Variants in GNAQ observed in about 807,000 individuals in gnomAD.
GNAQ encodes the protein G protein subunit alpha q.
Under a neutral mutation model 43.9 loss-of-function variants are expected in GNAQ, and 8 were observed. That is an observed-to-expected ratio of 0.18 (90% CI 0.11 to 0.33). The LOEUF is 0.33. Ranked by LOEUF, GNAQ falls within the 10% of genes least tolerant of loss-of-function variation. GNAQ has a pLI of 1.00. For synonymous variants in GNAQ, 155 were observed against 170.7 expected, an observed-to-expected ratio of 0.91 and a Z score of 0.71; for missense variants, 158 against 450.8, an observed-to-expected ratio of 0.35 and a Z score of 5.88.
chr9:77,731,392 G>A (rs1303026389), intron 5 of GNAQ, among the ~76,000 whole-genome samples: 1 of 152,208 alleles, frequency 6.6e-6, no homozygotes, highest in East Asian at 1.9e-4. Context: ...CTGCTGCACT[G>A]GGGCTGCTCT....
At chr9:78,029,502 T>C (rs1386724097) in intron 1 of GNAQ, among the ~76,000 whole-genome samples, 1 of 152,202 alleles carries the variant, frequency 6.6e-6, no homozygotes, top group Non-Finnish European at 1.5e-5. Flanking sequence ...CCAATTGCAG[T>C]TTGCCTCCTC....
chr9:77,821,724 G>GGGGGGT lies in GNAQ; in HGVS notation c.322-5955_322-5954insACCCCC, dbSNP rs201504418. ...TATGATGTTGTACTATCCTAGTATG[G>GGGGGGT]GTGTGTGTGTGTGTGTGTGTGTGTG... On this transcript the variant is annotated intron_variant, in intron 2 of 6. Transcript: ENST00000286548. Among the ~76,000 whole-genome samples the GGGGGGT allele has an allele frequency of 5.5e-3, 782 of 142,392 alleles. 4 individuals carry two copies. The highest frequency in any genetic ancestry group is 8.6e-3 in the Non-Finnish European group (563 of 65,216). 93.4% of individuals were successfully genotyped at this position (142,392 alleles called of 152,430 possible).
At chr9:77,989,217 C>A (rs895460556) in intron 1 of GNAQ, among the ~76,000 whole-genome samples, 3 of 152,132 alleles carry the variant, frequency 2.0e-5, no homozygotes, top group Non-Finnish European at 4.4e-5. Flanking sequence ...CCATTCTCAT[C>A]CGTCATTTTC....
intron 5 of GNAQ, among the ~76,000 whole-genome samples, chr9:77,734,395 C>T (rs892941879): frequency 6.6e-6 from 1 of 152,122 alleles, no homozygotes; most frequent in Non-Finnish European, 1.5e-5. Context: ...CATTGATAAA[C>T]CATATTGAAT....
intron 1 of GNAQ, among the ~76,000 whole-genome samples, chr9:77,946,391 A>C (rs1349027693): frequency 1.3e-5 from 2 of 152,198 alleles, no homozygotes; most frequent in African/African-American, 4.8e-5. Context: ...TAAGCAGAAC[A>C]TTTTCCAGCT....
chr9:77,895,474 T>C (rs1051078175), intron 2 of GNAQ, among the ~76,000 whole-genome samples: 2 of 152,156 alleles, frequency 1.3e-5, no homozygotes, highest in South Asian at 4.1e-4. Context: ...GTTACACAGA[T>C]GGTTAGAGGA....
At chr9:77,968,793 G>C (rs1300278411) in intron 1 of GNAQ, among the ~76,000 whole-genome samples, 2 of 152,194 alleles carry the variant, frequency 1.3e-5, no homozygotes, top group Non-Finnish European at 2.9e-5. Context: ...TCTTAAAGAG[G>C]AACTCAGAGA....
chr9:77,939,088 A>G (rs1374133964), intron 1 of GNAQ, among the ~76,000 whole-genome samples: 3 of 152,210 alleles, frequency 2.0e-5, no homozygotes, highest in Admixed American at 2.0e-4. Context: ...GTACAAATCA[A>G]GTTTATCCCA....
intron 5 of GNAQ, among the ~76,000 whole-genome samples, chr9:77,758,849 A>C (rs1825944418): frequency 6.6e-6 from 1 of 152,146 alleles, no homozygotes; most frequent in South Asian, 2.1e-4. Context: ...TTTTTGTACA[A>C]ATGTACACAA....
At chr9:77,812,724 A>G (rs1826947217) in intron 3 of GNAQ, among the ~76,000 whole-genome samples, 1 of 152,230 alleles carries the variant, frequency 6.6e-6, no homozygotes, top group East Asian at 1.9e-4. Context: ...ATAATAATGT[A>G]TTATTATTTA....
chr9:77,937,225 T>G (rs1323655372), intron 1 of GNAQ, among the ~76,000 whole-genome samples: 1 of 151,496 alleles, frequency 6.6e-6, no homozygotes, highest in East Asian at 2.0e-4. Context: ...GCAGATCACT[T>G]GAGGTCGAGT....
At chr9:77,735,080 G>A (rs1235090659) in intron 5 of GNAQ, among the ~76,000 whole-genome samples, 5 of 152,124 alleles carry the variant, frequency 3.3e-5, no homozygotes, top group Non-Finnish European at 5.9e-5. Flanking sequence ...TTCTGCTTAT[G>A]AAATTGATAA....
chr9:77,749,087 G>A (rs1027463057), intron 5 of GNAQ, among the ~76,000 whole-genome samples: 5 of 152,194 alleles, frequency 3.3e-5, no homozygotes, highest in African/African-American at 1.2e-4. Context: ...CCTGCCCCAT[G>A]TTCTCGACCT....
At chr9:77,911,934 AAC>A (rs1338645471) in intron 2 of GNAQ, among the ~76,000 whole-genome samples, 1 of 152,230 alleles carries the variant, frequency 6.6e-6, no homozygotes, top group Non-Finnish European at 1.5e-5. Flanking sequence ...CTATGCAGCT[AAC>A]ACAGTCTGGA....
At chr9:77,783,843 G>C (rs1826434292) in intron 5 of GNAQ, among the ~76,000 whole-genome samples, 1 of 152,200 alleles carries the variant, frequency 6.6e-6, no homozygotes, top group Admixed American at 6.5e-5. Flanking sequence ...GAAGAGAGAG[G>C]ATCACTGGAG....
intron 5 of GNAQ, among the ~76,000 whole-genome samples, chr9:77,757,714 C>T (rs1825927304): frequency 2.0e-5 from 3 of 152,198 alleles, no homozygotes. Flanking sequence ...AACTTTCTGG[C>T]TTCCAATAGC....
intron 2 of GNAQ, among the ~76,000 whole-genome samples, chr9:77,829,480 T>A (rs75290276): frequency 0.014 from 2,157 of 152,304 alleles, 48 homozygotes; most frequent in African/African-American, 0.049. Flanking sequence ...AGGACACATC[T>A]GACTACTATC....
chr9:77,864,584 G>C (rs1351956932), intron 2 of GNAQ, among the ~76,000 whole-genome samples: 1 of 152,050 alleles, frequency 6.6e-6, no homozygotes, highest in Admixed American at 6.6e-5. Context: ...GGAGTAACAG[G>C]ACACAAGCCA....
At chr9:77,990,105 T>C (rs193037878) in intron 1 of GNAQ, among the ~76,000 whole-genome samples, 21 of 152,230 alleles carry the variant, frequency 1.4e-4, no homozygotes, top group Admixed American at 3.3e-4. Flanking sequence ...ATAGTATTCT[T>C]GATAAGAAGA....
Sources: gnomAD v4.1 joint callset for allele counts (sites outside exome capture counted in the v4.1 genomes callset) on GRCh38, gnomAD v4.1.1 for gene constraint, MANE v1.5 for transcripts, NCBI Gene and HGNC (gene_info 2026-07-23, HGNC 2026-07-21) for gene names.